Variants in TRPM6 observed in about 807,000 individuals in gnomAD.
TRPM6 encodes the protein transient receptor potential cation channel subfamily M member 6.
A neutral mutation model predicts 247.6 loss-of-function variants in TRPM6; 111 were observed. That is an observed-to-expected ratio of 0.45 (90% CI 0.38 to 0.52). The LOEUF (loss-of-function observed/expected upper bound fraction) is 0.52. Among genes scored for constraint, TRPM6 ranks in the 20% least tolerant of loss-of-function variants. The pLI is 0.00. For synonymous variants in TRPM6, 892 were observed against 853.8 expected (o/e 1.04, Z -0.78); for missense variants, 2,126 against 2,421.5 (o/e 0.88, Z 2.56).
At chr9:74,812,211 A>G in intron 12 of TRPM6, 88 bp downstream of exon 12, 1 of 1,558,050 alleles carries the variant, frequency 6.4e-7, no homozygotes. Flanking sequence ...TCCTCAGATA[A>G]GGAGTTTTGC....
chr9:74,820,013 CTTTAT>C (rs147618857), intron 9 of TRPM6, among the ~76,000 whole-genome samples: 1,823 of 152,054 alleles, frequency 0.012, 41 homozygotes, highest in African/African-American at 0.042. Flanking sequence ...AATAATTTTA[CTTTAT>C]TTTAAGTTCT....
chr9:74,812,468 T>C, intron 11 of TRPM6, 35 bp from the exon 12 acceptor site: 1 of 1,589,374 alleles, frequency 6.3e-7, no homozygotes, highest in South Asian at 1.1e-5. Flanking sequence ...ATAAAGACAA[T>C]TAAGAAAGTA....
intron 3 of TRPM6, among the ~76,000 whole-genome samples, chr9:74,849,265 C>T (rs1311965881): frequency 6.7e-6 from 1 of 150,110 alleles, no homozygotes; most frequent in East Asian, 2.0e-4. Flanking sequence ...ACAGGAGAAT[C>T]GCTTGAACCC....
At chr9:74,849,874 G>T (rs769491921) in intron 3 of TRPM6, among the ~76,000 whole-genome samples, 1 of 152,206 alleles carries the variant, frequency 6.6e-6, no homozygotes, top group Admixed American at 6.5e-5. Context: ...GGACAAGGTG[G>T]TCTCTAATGC....
At position 74,830,747 on chromosome 9, in the gene TRPM6, TTG is replaced by T. The variant is rs1343256340; in HGVS notation, c.670-2800_670-2799del. Among the ~76,000 whole-genome samples the T allele has an allele frequency of 1.0e-3, 88 of 86,152 alleles. 1 individual carries two copies. The highest frequency in any genetic ancestry group is 3.7e-3 in the African/African-American group (83 of 22,204). 56.5% of individuals were successfully genotyped at this position (86,152 alleles called of 152,430 possible). A position where few individuals can be genotyped will look rare whatever the true frequency, so the allele number is the denominator to read the frequency against. ...GTGCACCACCATGCCCAGCTAATTTTTGTTTTTTTTTTTTTTTTTTTTTTTTT... is the reference window on the plus strand; with the variant it reads ...GTGCACCACCATGCCCAGCTAATTTTTTTTTTTTTTTTTTTTTTTTTTTTT... On this transcript the variant is annotated intron_variant, in intron 6 of 38. Transcript: ENST00000360774.
chr9:74,739,928 C>T lies in TRPM6; in HGVS notation c.5282G>A (p.Arg1761His), dbSNP rs201338939. The change falls in exon 34 of 39, where the codon CGT becomes CAT. Residue 1761 changes from arginine to histidine, a missense_variant. By Grantham distance (29) the Arg-to-His change is conservative (BLOSUM62 0). This residue lies in a region of TRPM6 where 327 missense variants were observed against 397.7 expected (regional missense o/e 0.82). Transcript: ENST00000360774. ...TACCTGGATCATTGCCGCTCTCCCA[C>T]GCTGAGACCAAGAGGACATGCTTTT... ...LDKSMSSWSQ[R>H]GRAAMIQVLS... 3.8e-5 allele frequency: 61 copies of T among 1,614,122 alleles called. No homozygotes were observed. Among genetic ancestry groups the T allele is most frequent in the South Asian group, 1.8e-4 (16 of 91,076 alleles).
intron 19 of TRPM6, among the ~76,000 whole-genome samples, chr9:74,790,685 T>C (rs972726169): frequency 2.6e-5 from 4 of 152,192 alleles, no homozygotes; most frequent in African/African-American, 7.2e-5. Flanking sequence ...TAAAATCGAA[T>C]TGAATGACCT....
rs1191982883 is a variant in TRPM6, at chr9:74,802,249, G to C, written c.1732-74C>G. ...ATGTTTTACCTAATTCAACACAGCA[G>C]GTGTCCTAGAGATTTTTTTTAATCA... On this transcript the variant is annotated intron_variant, in intron 15 of 38. Transcript: ENST00000360774. The C allele has an allele frequency of 6.5e-6, 9 of 1,392,240 alleles. No individual in the cohort carries two copies. In the Admixed American group the frequency reaches 1.4e-4, roughly 22 times the overall value. 86.2% of individuals were successfully genotyped at this position (1,392,240 alleles called of 1,614,324 possible).
chr9:74,816,626 T>C (rs1373647814), intron 11 of TRPM6, 43 bp downstream of exon 11: 2 of 1,524,256 alleles, frequency 1.3e-6, no homozygotes, highest in Non-Finnish European at 9.1e-7. Context: ...TAACAGACCA[T>C]CACACAAAAT....
intron 1 of TRPM6, among the ~76,000 whole-genome samples, chr9:74,867,916 G>A (rs1564058772): frequency 6.6e-6 from 1 of 152,150 alleles, no homozygotes; most frequent in Non-Finnish European, 1.5e-5. Flanking sequence ...CACTTTGGGA[G>A]GCCGATGCAC....
At chr9:74,870,895 G>C (rs557994462) in intron 1 of TRPM6, among the ~76,000 whole-genome samples, 1 of 151,508 alleles carries the variant, frequency 6.6e-6, no homozygotes, top group South Asian at 2.1e-4. Flanking sequence ...ATAGTGCCAC[G>C]GCACTCCAGC....
intron 25 of TRPM6, among the ~76,000 whole-genome samples, chr9:74,764,408 G>A (rs776898323): frequency 2.6e-5 from 4 of 152,120 alleles, no homozygotes; most frequent in Non-Finnish European, 4.4e-5. Flanking sequence ...GAGGGAAGAC[G>A]ATATGAAGAC....
intron 19 of TRPM6, among the ~76,000 whole-genome samples, chr9:74,791,123 C>T (rs1045356398): frequency 5.9e-5 from 9 of 152,228 alleles, no homozygotes; most frequent in Admixed American, 2.6e-4. Context: ...TGCCTAAATA[C>T]GCTTTTCCCA....
chr9:74,763,462 C>A (rs1057509277), intron 25 of TRPM6, among the ~76,000 whole-genome samples: 1 of 152,122 alleles, frequency 6.6e-6, no homozygotes, highest in African/African-American at 2.4e-5. Flanking sequence ...CCCATTTTTA[C>A]TCATTAATAT....
chr9:74,848,984 T>C (rs1445203925), intron 3 of TRPM6, among the ~76,000 whole-genome samples: 1 of 152,192 alleles, frequency 6.6e-6, no homozygotes, highest in East Asian at 1.9e-4. Flanking sequence ...ATGGACTGAA[T>C]TGTTTTCTGA....
chr9:74,796,156 A>G (rs748684683), intron 18 of TRPM6, among the ~76,000 whole-genome samples: 2 of 152,244 alleles, frequency 1.3e-5, no homozygotes, highest in Non-Finnish European at 2.9e-5. Context: ...ATAGCAGCTT[A>G]TTAATAATTA....
intron 8 of TRPM6, among the ~76,000 whole-genome samples, 174 bp downstream of exon 8, chr9:74,821,495 A>G (rs560812769): frequency 6.6e-6 from 1 of 152,312 alleles, no homozygotes. Context: ...AGCAACTCTC[A>G]TCGCTGAAGG....
At position 74,801,970 on chromosome 9, in the gene TRPM6, C is replaced by T. The variant is rs1316180378; in HGVS notation, c.1937G>A (p.Arg646Gln). ...VKAVIACILY[R>Q]AMAHEAKESH... The stretch of plus-strand genomic sequence containing the variant: ...CTCCTTAGCTTCATGGGCCATTGCC[C>T]GGTAGAGGATACACGCAATCACGGC... Residue 646 changes from arginine (R) to glutamine (Q), a missense_variant, in exon 16 of 39, where the codon CGG becomes CAG. Physicochemically the swap from Arg to Gln is conservative, Grantham distance 43. This residue lies in a region of TRPM6 where 1,082 missense variants were observed against 1,307.9 expected (regional missense o/e 0.83). Coordinates refer to ENST00000360774, the MANE Select transcript of TRPM6 (RefSeq NM_017662.5). 1.1e-5 allele frequency: 18 copies of T among 1,614,092 alleles called. No individual in the cohort carries two copies. The highest frequency in any genetic ancestry group is 1.4e-5 in the Non-Finnish European group (17 of 1,180,048).
chr9:74,831,939 T>C (rs1829559716), intron 6 of TRPM6, among the ~76,000 whole-genome samples: 1 of 152,208 alleles, frequency 6.6e-6, no homozygotes, highest in African/African-American at 2.4e-5. Context: ...ATAGAGCATG[T>C]AAACTAATAA....
Sources: gnomAD v4.1 joint callset for allele counts (sites outside exome capture counted in the v4.1 genomes callset) on GRCh38, gnomAD v4.1.1 for gene constraint, gnomAD v4.1.1 regional missense constraint, MANE v1.5 for transcripts, NCBI Gene and HGNC (gene_info 2026-07-23, HGNC 2026-07-21) for gene names.